Variants in RAPGEF4 observed in about 807,000 individuals in gnomAD.
RAPGEF4 encodes RAP guanine-nucleotide-exchange factor (GEF) 4.
RAPGEF4 carries 66 observed loss-of-function variants against 147.9 expected under a neutral mutation model. The observed-to-expected ratio is 0.45, with a 90% CI of 0.37 to 0.55. The LOEUF is 0.55. Among genes scored for constraint, RAPGEF4 ranks in the 20% least tolerant of loss-of-function variants. The pLI is 0.00. For synonymous variants in RAPGEF4, 419 were observed against 442.7 expected (o/e 0.95, Z 0.67); for missense variants, 1,071 against 1,257.3 (o/e 0.85, Z 2.24).
At chr2:172,923,225 A>G (rs1417000080) in intron 6 of RAPGEF4, among the ~76,000 whole-genome samples, 1 of 152,168 alleles carries the variant, frequency 6.6e-6, no homozygotes, top group East Asian at 1.9e-4. Flanking sequence ...TGGGAATTCT[A>G]GCCCACTGCT....
intron 6 of RAPGEF4, 24 bp downstream of exon 6, chr2:172,922,324 A>G (rs1003184600): frequency 2.5e-6 from 4 of 1,593,520 alleles, no homozygotes; most frequent in Non-Finnish European, 3.4e-6. Context: ...CTCTCTGCCT[A>G]TCTTCTAAAA....
At chr2:172,760,329 T>A (rs1464550747) in intron 1 of RAPGEF4, among the ~76,000 whole-genome samples, 1 of 152,214 alleles carries the variant, frequency 6.6e-6, no homozygotes, top group African/African-American at 2.4e-5. Flanking sequence ...ACAGAATGTT[T>A]AAGCAAAGAA....
intron 4 of RAPGEF4, among the ~76,000 whole-genome samples, chr2:172,832,556 C>T (rs536178372): frequency 6.6e-6 from 1 of 152,284 alleles, no homozygotes; most frequent in East Asian, 1.9e-4. Context: ...ATCTGTGGTG[C>T]AATACCAGTT....
chr2:172,958,555 G>A (rs997362270), intron 6 of RAPGEF4, among the ~76,000 whole-genome samples: 3 of 152,182 alleles, frequency 2.0e-5, no homozygotes, highest in East Asian at 1.9e-4. Context: ...CCATCAGTAC[G>A]TCTGCCATAA....
intron 4 of RAPGEF4, among the ~76,000 whole-genome samples, chr2:172,836,676 G>A (rs1690972930): frequency 6.6e-6 from 1 of 152,136 alleles, no homozygotes; most frequent in Non-Finnish European, 1.5e-5. Flanking sequence ...TATTTGTAAG[G>A]CATGTGTAAC....
At chr2:172,956,466 C>CTTTTT (rs1575365181) in intron 6 of RAPGEF4, among the ~76,000 whole-genome samples, 1 of 114,554 alleles carries the variant, frequency 8.7e-6, no homozygotes, top group African/African-American at 3.0e-5. Context: ...TACAAAGTTT[C>CTTTTT]TTTTTCTTTT....
intron 17 of RAPGEF4, among the ~76,000 whole-genome samples, chr2:173,006,004 C>T (rs920773604): frequency 2.0e-5 from 3 of 152,150 alleles, no homozygotes; most frequent in Non-Finnish European, 4.4e-5. Context: ...TAGTAATTAG[C>T]CTCACTTGCC....
Position 173,020,682 on chromosome 2 carries a change from G to A in RAPGEF4, c.2220G>A (p.Leu740=), listed in dbSNP as rs774120530. 5.0e-6 allele frequency: 8 copies of A among 1,613,908 alleles called. No homozygotes were observed. The East Asian group carries it at 1.1e-4, about 22-fold the overall frequency. Reference sequence around the variant, plus strand: ...CGACGCTCACCATTAATGGACGCCTGTTTGCTTGCCCGCGAGAGCAATTCG... The same window carrying A: ...CGACGCTCACCATTAATGGACGCCTATTTGCTTGCCCGCGAGAGCAATTCG... ...VFTTLTINGR[L]FACPREQFDS... is the part of the protein sequence containing the mutation. The change falls in exon 23 of 31, where the codon CTG becomes CTA. Residue 740 remains leucine, a synonymous_variant. Transcript: ENST00000397081.
rs187369427 is a variant in RAPGEF4, at chr2:172,795,157, G to A, written c.198G>A (p.Lys66=). ...CLCGYYENLE[K]GITLFRQGDI... ...GTGGTTATTATGAGAATCTGGAAAA[G>A]GGAATAACATGTAAGAAATGCAACT... Residue 66 remains lysine (K), a synonymous_variant, in exon 2 of 31, where the codon AAG becomes AAA. Coordinates refer to ENST00000397081, the MANE Select transcript of RAPGEF4 (RefSeq NM_007023.4). The A allele has an allele frequency of 1.5e-4, 235 of 1,608,366 alleles. No homozygotes were observed. The African/African-American group carries it at 2.9e-3, about 20-fold the overall frequency.
chr2:173,015,999 A>T (rs1351557257), intron 18 of RAPGEF4, among the ~76,000 whole-genome samples: 1 of 152,238 alleles, frequency 6.6e-6, no homozygotes, highest in African/African-American at 2.4e-5. Flanking sequence ...TCATATAAAC[A>T]GTTCACCTGC....
At chr2:172,894,821 C>G (rs191930386) in intron 4 of RAPGEF4, among the ~76,000 whole-genome samples, 154 of 152,218 alleles carry the variant, frequency 1.0e-3, no homozygotes, top group Non-Finnish European at 1.8e-3. Context: ...TACTAACCTT[C>G]TAAAAACATT....
intron 5 of RAPGEF4, among the ~76,000 whole-genome samples, chr2:172,922,049 A>G (rs1684823245): frequency 6.6e-6 from 1 of 152,228 alleles, no homozygotes; most frequent in African/African-American, 2.4e-5. Context: ...TAGACGCAAA[A>G]TAAGCCTGGG....
At position 172,992,265 on chromosome 2, in the gene RAPGEF4, T is replaced by C. The variant is rs961198167; in HGVS notation, c.1490+1340T>C. On this transcript the variant is annotated intron_variant, in intron 15 of 30. Transcript: ENST00000397081. The stretch of plus-strand genomic sequence containing the variant: ...GAAATTTCCTTATTATTTATTGTTT[T>C]CTACTGTCTGTTCTTGAAATTGTTC... Among the ~76,000 whole-genome samples the C allele has an allele frequency of 7.2e-5, 11 of 152,244 alleles. 1 individual carries two copies. The East Asian group carries it at 2.1e-3, about 29-fold the overall frequency.
chr2:172,802,414 C>T (rs1687072853), intron 3 of RAPGEF4, among the ~76,000 whole-genome samples: 3 of 152,264 alleles, frequency 2.0e-5, no homozygotes, highest in East Asian at 3.9e-4. Context: ...AGAGCTTGTG[C>T]AGGGAAAATC....
intron 6 of RAPGEF4, among the ~76,000 whole-genome samples, chr2:172,948,446 G>A (rs939582481): frequency 2.6e-5 from 4 of 152,110 alleles, no homozygotes; most frequent in Non-Finnish European, 4.4e-5. Context: ...TCAAAACAAC[G>A]AAGCCTCAAA....
At chr2:173,017,615 C>T (rs974736781) in intron 21 of RAPGEF4, 111 bp downstream of exon 21, 1 of 1,043,310 alleles carries the variant, frequency 9.6e-7, no homozygotes, top group African/African-American at 1.6e-5. Flanking sequence ...GCCCTGTTGC[C>T]CTCCAGATGG....
At chr2:172,908,561 C>T (rs967602225) in intron 4 of RAPGEF4, among the ~76,000 whole-genome samples, 2 of 152,228 alleles carry the variant, frequency 1.3e-5, no homozygotes, top group African/African-American at 4.8e-5. Flanking sequence ...GTTGATGCTT[C>T]ATGTAGATCT....
intron 4 of RAPGEF4, among the ~76,000 whole-genome samples, chr2:172,872,757 A>G (rs1695393372): frequency 6.6e-6 from 1 of 152,072 alleles, no homozygotes; most frequent in Non-Finnish European, 1.5e-5. Context: ...CCTCCTAGCC[A>G]TGTTTCCTGT....
chr2:172,807,611 G>T (rs1321517027), intron 3 of RAPGEF4, among the ~76,000 whole-genome samples: 2 of 152,130 alleles, frequency 1.3e-5, no homozygotes, highest in Non-Finnish European at 2.9e-5. Context: ...ATTCAAGTTC[G>T]TGAAATAATC....
Sources: allele counts gnomAD v4.1 joint callset (sites outside exome capture counted in the v4.1 genomes callset), GRCh38; gene constraint gnomAD v4.1.1; transcripts MANE v1.5; gene names NCBI Gene and HGNC (gene_info 2026-07-23, HGNC 2026-07-21).